Variants in PTDSS2 observed in about 807,000 individuals in gnomAD.
PTDSS2 encodes the protein PSS-2.
PTDSS2 carries 41 observed loss-of-function variants against 64.7 expected under a neutral mutation model. That is an observed-to-expected ratio of 0.63 (90% CI 0.49 to 0.82). The LOEUF is 0.82. Ranked by LOEUF, PTDSS2 falls within the 40% of genes least tolerant of loss-of-function variation. The probability of loss-of-function intolerance (pLI) is 0.00; values close to 1 mark genes in which losing one functional copy is unlikely to be tolerated. For synonymous variants in PTDSS2, 297 were observed against 277.8 expected (o/e 1.07, Z -0.69); for missense variants, 485 against 650.0 (o/e 0.75, Z 2.76).
At chr11:489,377 G>C (rs775883258) in intron 8 of PTDSS2, 23 bp from the exon 9 acceptor site, 219 of 1,604,138 alleles carry the variant, frequency 1.4e-4, no homozygotes, top group Non-Finnish European at 1.8e-4. Flanking sequence ...CCTTCCTCAG[G>C]CTGCCGGCTC....
chr11:457,659 G>T (rs1846659266), intron 1 of PTDSS2, among the ~76,000 whole-genome samples: 1 of 152,198 alleles, frequency 6.6e-6, no homozygotes, highest in Non-Finnish European at 1.5e-5. Flanking sequence ...GTTTTGGTTT[G>T]TTTCCCGTTT....
At chr11:477,307 C>G (rs1328678671) in intron 3 of PTDSS2, among the ~76,000 whole-genome samples, 3 of 152,240 alleles carry the variant, frequency 2.0e-5, no homozygotes, top group African/African-American at 7.2e-5. Context: ...CTGGCTCCCT[C>G]TGAAGGCTGT....
chr11:486,590 C>T (rs966160913), intron 4 of PTDSS2, among the ~76,000 whole-genome samples: 3 of 152,302 alleles, frequency 2.0e-5, no homozygotes, highest in African/African-American at 7.2e-5. Context: ...CGGCTGTAAT[C>T]CCAGCTCTTT....
At chr11:453,702 C>T (rs1328654159) in intron 1 of PTDSS2, among the ~76,000 whole-genome samples, 1 of 152,254 alleles carries the variant, frequency 6.6e-6, no homozygotes, top group Non-Finnish European at 1.5e-5. Context: ...GTCCAGGAGC[C>T]TCTCGCAGGC....
At position 450,556 on chromosome 11, in the gene PTDSS2, C is replaced by T. The variant is rs1846268418; in HGVS notation, c.101C>T (p.Ala34Val). Residue 34 changes from alanine (A) to valine (V), a missense_variant, in exon 1 of 12, where the codon GCC (alanine) becomes GTC (valine). Physicochemically the swap from Ala to Val is moderately conservative, Grantham distance 64. This residue lies in a region of PTDSS2 where 251 missense variants were observed against 348.0 expected (regional missense o/e 0.72). Coordinates refer to ENST00000308020, the MANE Select transcript of PTDSS2 (RefSeq NM_030783.3). ...SLEEPPDGPS[A>V]GQATGPGEGR... ...GAGGAGCCGCCTGACGGGCCGTCTG[C>T]CGGCCAAGCCACCGGGCCGGGCGAG... is the stretch of plus-strand genomic sequence containing the variant. 4.0e-6 allele frequency: 5 copies of T among 1,242,746 alleles called. No individual in the cohort carries two copies. The highest frequency in any genetic ancestry group is 4.1e-5 in the South Asian group (1 of 24,312). The allele number at this position is 1,242,746 out of a possible 1,614,324, so 77.0% of individuals were successfully genotyped here. A position where few individuals can be genotyped will look rare whatever the true frequency, so the allele number is the denominator to read the frequency against.
intron 2 of PTDSS2, among the ~76,000 whole-genome samples, chr11:466,226 A>C (rs1465456047): frequency 6.6e-6 from 1 of 151,986 alleles, no homozygotes; most frequent in East Asian, 1.9e-4. Flanking sequence ...GCTATAAAGA[A>C]ATACCCAAGA....
At chr11:469,801 C>T (rs1044656813) in intron 2 of PTDSS2, among the ~76,000 whole-genome samples, 1 of 151,922 alleles carries the variant, frequency 6.6e-6, no homozygotes, top group African/African-American at 2.4e-5. Flanking sequence ...ATTCCAGCAC[C>T]GGGGCAGGAA....
chr11:475,571 G>A (rs1397958985), intron 3 of PTDSS2, among the ~76,000 whole-genome samples: 1 of 152,160 alleles, frequency 6.6e-6, no homozygotes, highest in Non-Finnish European at 1.5e-5. Flanking sequence ...ATATTCACGC[G>A]TTTGTGTGTA....
chr11:461,214 A>G lies in PTDSS2; in HGVS notation c.284+926A>G, dbSNP rs1176592474. On this transcript the variant is annotated intron_variant, in intron 2 of 11. Coordinates refer to ENST00000308020, the MANE Select transcript of PTDSS2 (RefSeq NM_030783.3). The surrounding 1 kb of genome is among the most constrained non-coding windows in gnomAD (Gnocchi z 4.2). ...CATTTTGTAAAGCAAGAGTCTCGCT[A>G]TCTTCGTGACTGTTGGGTGGGGTGA... Among the ~76,000 whole-genome samples, 1 of 152,110 alleles carries G rather than the reference A, an allele frequency of 6.6e-6. No individual in the cohort carries two copies. The highest frequency in any genetic ancestry group is 1.9e-4 in the East Asian group (1 of 5,196).
chr11:480,060 C>G (rs1271171606), intron 4 of PTDSS2: 2 of 152,750 alleles, frequency 1.3e-5, no homozygotes, highest in African/African-American at 4.8e-5. Flanking sequence ...TTGTGTTACC[C>G]CTTGGTAGTC....
rs191561702 is a variant in PTDSS2 at position 479,152 on chromosome 11, G to A, written c.435G>A (p.Gln145=). Reference sequence around the variant, plus strand: ...TGTTTCTCATCTTTATACTCTTCCAGGTAAGCTGTTTTTCTGGGTTGGATA... The same window carrying A: ...TGTTTCTCATCTTTATACTCTTCCAAGTAAGCTGTTTTTCTGGGTTGGATA... ...YELFLIFILF[Q]TVQDGRQFLK... The change falls in exon 4 of 12, where the codon CAG becomes CAA. Residue 145 remains glutamine (Q), a splice_region_variant and synonymous_variant. Transcript: ENST00000308020. This position sits in a 1 kb window ranked among gnomAD's most constrained non-coding sequence, Gnocchi z 4.2. 6.2e-7 allele frequency: 1 copy of A among 1,613,704 alleles called. No individual in the cohort carries two copies. Among genetic ancestry groups the A allele is most frequent in the East Asian group, 2.2e-5 (1 of 44,884 alleles).
chr11:473,624 G>C (rs1274589782), intron 2 of PTDSS2, among the ~76,000 whole-genome samples: 2 of 152,162 alleles, frequency 1.3e-5, no homozygotes, highest in Non-Finnish European at 2.9e-5. Context: ...AGGCAAATGT[G>C]AGCGCGAATG....
Position 490,666 on chromosome 11 carries a change from G to C in PTDSS2, c.*84G>C. The C allele has an allele frequency of 7.3e-7, 1 of 1,370,530 alleles. No homozygotes were observed. Among genetic ancestry groups the C allele is most frequent in the Non-Finnish European group, 9.8e-7 (1 of 1,023,504 alleles). 84.9% of individuals were successfully genotyped at this position (1,370,530 alleles called of 1,614,324 possible). A position where few individuals can be genotyped will look rare whatever the true frequency, so the allele number is the denominator to read the frequency against. On this transcript the variant is annotated 3_prime_UTR_variant, in exon 12 of 12. Transcript: ENST00000308020. Reference sequence around the variant, plus strand: ...GTGTGAGTCCCACCAGGAGCCACGTGCCCGGCCTTGCCCTCAAGGTTTTTT... The same window carrying C: ...GTGTGAGTCCCACCAGGAGCCACGTCCCCGGCCTTGCCCTCAAGGTTTTTT...
At chr11:454,515 G>T (rs1182428284) in intron 1 of PTDSS2, among the ~76,000 whole-genome samples, 2 of 152,198 alleles carry the variant, frequency 1.3e-5, no homozygotes, top group Non-Finnish European at 2.9e-5. Flanking sequence ...CTCTGTCGTG[G>T]AAAGTCGTAT....
chr11:488,390 C>T lies in PTDSS2; in HGVS notation c.735+78C>T, dbSNP rs541822717. 4.1e-4 allele frequency: 564 copies of T among 1,371,812 alleles called. 1 individual carries two copies. In the Middle Eastern group the frequency reaches 4.7e-3, roughly 11 times the overall value. 85.0% of individuals were successfully genotyped at this position (1,371,812 alleles called of 1,614,324 possible). ...CGGAACCCCTGTGCCCAGCGCGGCCCCTGGACCCCCTCATTCTCCCCGGGG... is the reference window on the plus strand; with the variant it reads ...CGGAACCCCTGTGCCCAGCGCGGCCTCTGGACCCCCTCATTCTCCCCGGGG... On this transcript the variant is annotated intron_variant, in intron 7 of 11. Coordinates refer to ENST00000308020, the MANE Select transcript of PTDSS2 (RefSeq NM_030783.3).
intron 1 of PTDSS2, among the ~76,000 whole-genome samples, chr11:454,846 C>G (rs1365562144): frequency 6.6e-6 from 1 of 152,180 alleles, no homozygotes; most frequent in African/African-American, 2.4e-5. Context: ...GTGATCCTGT[C>G]TTTGTGTGCT....
intron 1 of PTDSS2, 80 bp downstream of exon 1, chr11:450,717 G>C: frequency 1.7e-6 from 2 of 1,160,552 alleles, no homozygotes; most frequent in East Asian, 3.2e-5. Context: ...GGGGGTCCCC[G>C]GCAGCGCCCT....
intron 7 of PTDSS2, 51 bp from the exon 8 acceptor site, chr11:488,478 G>A (rs1453732067): frequency 6.6e-7 from 1 of 1,511,236 alleles, no homozygotes; most frequent in South Asian, 1.1e-5. Context: ...GTCCTCCTCG[G>A]GGGGCTCGTT....
chr11:451,063 C>A (rs957085334), intron 1 of PTDSS2, among the ~76,000 whole-genome samples: 9 of 152,234 alleles, frequency 5.9e-5, no homozygotes, highest in Non-Finnish European at 1.2e-4. Flanking sequence ...TGTGGTTGCT[C>A]CTCAGTGCTT....
Sources: gnomAD v4.1 joint callset for allele counts (sites outside exome capture counted in the v4.1 genomes callset) on GRCh38, gnomAD v4.1.1 for gene constraint, gnomAD v4.1.1 regional missense constraint, Gnocchi (gnomAD v3.1) non-coding constraint, MANE v1.5 for transcripts, NCBI Gene and HGNC (gene_info 2026-07-23, HGNC 2026-07-21) for gene names.